MCHR2: variants seen among roughly 807,000 people sequenced by gnomAD.
MCHR2 encodes melanin concentrating hormone receptor 2.
MCHR2 carries 15 observed loss-of-function variants against 24.8 expected under a neutral mutation model. The observed-to-expected ratio is 0.60, with a 90% CI of 0.40 to 0.93. The LOEUF is 0.93. MCHR2 is among the 40% of genes least tolerant of loss of function. MCHR2 has a pLI of 0.00. For missense variants in MCHR2, 386 were observed against 408.7 expected (o/e 0.94, Z 0.48); for synonymous variants, 151 against 147.6 (o/e 1.02, Z -0.17).
chr6:99,981,407 C>T (rs74709102), intron 1 of MCHR2, among the ~76,000 whole-genome samples: 1,648 of 152,170 alleles, frequency 0.011, 13 homozygotes, highest in Middle Eastern at 0.034. Context: ...TGGCTTGTGA[C>T]TGGAGCTGTT....
intron 5 of MCHR2, among the ~76,000 whole-genome samples, chr6:99,924,001 A>G (rs1257679015): frequency 3.3e-5 from 5 of 152,016 alleles, no homozygotes; most frequent in Non-Finnish European, 7.4e-5. Context: ...TTAGCTTTTT[A>G]AATGTTTAGC....
intron 1 of MCHR2, among the ~76,000 whole-genome samples, chr6:99,991,420 T>C (rs1250841693): frequency 6.6e-6 from 1 of 152,200 alleles, no homozygotes; most frequent in Non-Finnish European, 1.5e-5. Flanking sequence ...AGTGTGACTT[T>C]AGGTAGTCAC....
chr6:99,973,101 C>A (rs1238381646), intron 1 of MCHR2, among the ~76,000 whole-genome samples: 1 of 151,738 alleles, frequency 6.6e-6, no homozygotes, highest in Non-Finnish European at 1.5e-5. Flanking sequence ...GAGCTGAGTT[C>A]AATTCCTGGG....
chr6:99,961,579 C>T (rs1378464169), intron 1 of MCHR2, among the ~76,000 whole-genome samples: 1 of 152,060 alleles, frequency 6.6e-6, no homozygotes, highest in African/African-American at 2.4e-5. Flanking sequence ...AGCTGGAAAC[C>T]ATTATTCTCA....
intron 1 of MCHR2, among the ~76,000 whole-genome samples, chr6:99,959,859 A>G (rs930106340): frequency 1.3e-5 from 2 of 150,142 alleles, no homozygotes; most frequent in Non-Finnish European, 3.0e-5. Flanking sequence ...AATAATAGGT[A>G]AAAAAAGCCT....
chr6:99,943,118 G>T lies in MCHR2; in HGVS notation c.418C>A (p.Arg140=), dbSNP rs761446827. The T allele has an allele frequency of 6.2e-7, 1 of 1,610,478 alleles. No individual in the cohort carries two copies. The highest frequency in any genetic ancestry group is 1.7e-5 in the Admixed American group (1 of 59,806). Residue 140 remains arginine, a synonymous_variant, in exon 4 of 6, where the codon CGA becomes AGA. Coordinates refer to ENST00000281806, the MANE Select transcript of MCHR2 (RefSeq NM_001040179.2). The part of the protein sequence containing the change: ...DRYFALVQPF[R]LTRWRTRYKT... Reference sequence around the variant, plus strand: ...TACCTTGTTCTCCAACGTGTCAGTCGAAATGGTTGGACGAGGGCAAAGTAC... The same window carrying T: ...TACCTTGTTCTCCAACGTGTCAGTCTAAATGGTTGGACGAGGGCAAAGTAC...
In MCHR2 at chr6:99,974,288, T is replaced by G. The variant is rs560341375; in HGVS notation, c.-27-18114A>C. The stretch of plus-strand genomic sequence containing the variant: ...TTATTCTTTTTTCTCCAAACTTCCC[T>G]TCTCACTTCATTTCATTCATTTCAT... On this transcript the variant is annotated intron_variant, in intron 1 of 5. Coordinates refer to ENST00000281806, the MANE Select transcript of MCHR2 (RefSeq NM_001040179.2). Among the ~76,000 whole-genome samples, 8 of 152,332 alleles carry G rather than the reference T, an allele frequency of 5.3e-5. No individual in the cohort carries two copies. The East Asian group carries it at 1.5e-3, about 29-fold the overall frequency.
rs1404361041 is a variant in MCHR2 at position 99,919,635 on chromosome 6, C to T, written c.*1305G>A. On this transcript the variant is annotated 3_prime_UTR_variant, in exon 6 of 6. Transcript: ENST00000281806. ...GAGGAAAGATAGATATAATGAATAC[C>T]TATGAAAATTTAAGGGCTAATTACT... Among the ~76,000 whole-genome samples, 1 of 151,352 alleles carries T rather than the reference C, an allele frequency of 6.6e-6. No homozygotes were observed. The highest frequency in any genetic ancestry group is 2.4e-5 in the African/African-American group (1 of 41,268).
intron 5 of MCHR2, among the ~76,000 whole-genome samples, chr6:99,926,425 G>A (rs1356865403): frequency 1.3e-5 from 2 of 152,096 alleles, no homozygotes; most frequent in Admixed American, 6.6e-5. Context: ...CTTCCACAAT[G>A]GTTGAACTAG....
At chr6:99,957,944 C>T (rs969813340) in intron 1 of MCHR2, among the ~76,000 whole-genome samples, 3 of 151,886 alleles carry the variant, frequency 2.0e-5, no homozygotes, top group Non-Finnish European at 4.4e-5. Context: ...CAATGCAATT[C>T]CAATAAAATT....
At chr6:99,981,736 T>C (rs1439770291) in intron 1 of MCHR2, among the ~76,000 whole-genome samples, 1 of 152,200 alleles carries the variant, frequency 6.6e-6, no homozygotes, top group Non-Finnish European at 1.5e-5. Context: ...TCATGTTCTC[T>C]CTGCATGAAA....
chr6:99,920,065 G>A lies in MCHR2; in HGVS notation c.*875C>T, dbSNP rs1210557565. 1 of 152,184 alleles carries A rather than the reference G, an allele frequency of 6.6e-6. No homozygotes were observed. The highest frequency in any genetic ancestry group is 6.5e-5 in the Admixed American group (1 of 15,280). 9.4% of individuals were successfully genotyped at this position (152,184 alleles called of 1,614,324 possible). A position where few individuals can be genotyped will look rare whatever the true frequency, so the allele number is the denominator to read the frequency against. On this transcript the variant is annotated 3_prime_UTR_variant, in exon 6 of 6. Coordinates refer to ENST00000281806, the MANE Select transcript of MCHR2 (RefSeq NM_001040179.2). ...ATTATGCTTAAAGTCCAGAAGTAAA[G>A]TATTATTATTAAAGTGCAGATGCCA...
intron 5 of MCHR2, among the ~76,000 whole-genome samples, chr6:99,928,233 G>T (rs1306334641): frequency 3.3e-5 from 5 of 152,170 alleles, no homozygotes. Context: ...GCTGAATTCA[G>T]TTTGCTGGTA....
intron 1 of MCHR2, among the ~76,000 whole-genome samples, chr6:99,979,572 AT>A (rs1312004959): frequency 6.6e-6 from 1 of 152,206 alleles, no homozygotes; most frequent in Non-Finnish European, 1.5e-5. Flanking sequence ...TGGAAATAAA[AT>A]TTTTAATAGA....
chr6:99,937,336 TGTAA>T (rs1467415939), intron 4 of MCHR2, among the ~76,000 whole-genome samples: 2 of 152,162 alleles, frequency 1.3e-5, no homozygotes, highest in African/African-American at 4.8e-5. Flanking sequence ...CAAAATTAGC[TGTAA>T]GTATGTCATG....
intron 4 of MCHR2, among the ~76,000 whole-genome samples, chr6:99,935,131 A>G (rs1266544255): frequency 6.6e-6 from 1 of 152,092 alleles, no homozygotes; most frequent in Non-Finnish European, 1.5e-5. Context: ...ATAGTTTAAT[A>G]CATTCATATA....
chr6:99,991,373 T>C lies in MCHR2; in HGVS notation c.-28+2563A>G, dbSNP rs1167762358. On this transcript the variant is annotated intron_variant, in intron 1 of 5. Transcript: ENST00000281806. ...TACAGGCCTTCCTAGAAGACTTTGA[T>C]AAATTTGGACCTAATCTTGGCTCTG... is the stretch of plus-strand genomic sequence containing the variant. 5.3e-5 allele frequency among the ~76,000 whole-genome samples: 8 copies of C among 152,178 alleles called. No homozygotes were observed. The East Asian group carries it at 1.5e-3, about 29-fold the overall frequency.
intron 4 of MCHR2, among the ~76,000 whole-genome samples, chr6:99,939,702 A>G (rs973234522): frequency 1.3e-5 from 2 of 149,444 alleles, no homozygotes; most frequent in African/African-American, 2.4e-5. Context: ...CTTTTTGCAC[A>G]TTAGTGTTTT....
chr6:99,991,528 G>A (rs537950941), intron 1 of MCHR2, among the ~76,000 whole-genome samples: 8 of 152,146 alleles, frequency 5.3e-5, no homozygotes, highest in East Asian at 1.9e-4. Context: ...ATCTGAGGCC[G>A]GGGCGCGGTG....
Sources: gnomAD v4.1 joint callset for allele counts (sites outside exome capture counted in the v4.1 genomes callset) on GRCh38, gnomAD v4.1.1 for gene constraint, MANE v1.5 for transcripts, NCBI Gene and HGNC (gene_info 2026-07-23, HGNC 2026-07-21) for gene names.